Variants in SNTG1 observed in about 807,000 individuals in gnomAD.
SNTG1 encodes the protein syntrophin gamma 1, also known as gamma-1-syntrophin.
In SNTG1, 39 loss-of-function variants were observed where a neutral mutation model predicts 74.7. That is an observed-to-expected ratio of 0.52 (90% CI 0.40 to 0.68). SNTG1 has a LOEUF of 0.68. Among genes scored for constraint, SNTG1 ranks in the 30% least tolerant of loss-of-function variants. SNTG1 has a pLI of 0.00. For synonymous variants in SNTG1, 254 were observed against 217.1 expected, an observed-to-expected ratio of 1.17 and a Z score of -1.49; for missense variants, 685 against 609.5, an observed-to-expected ratio of 1.12 and a Z score of -1.30.
At chr8:50,676,490 G>T (rs2095310186) in intron 15 of SNTG1, among the ~76,000 whole-genome samples, 1 of 151,866 alleles carries the variant, frequency 6.6e-6, no homozygotes, top group Non-Finnish European at 1.5e-5. Flanking sequence ...TTGTGTGTAT[G>T]TTCTTCTCTA....
intron 2 of SNTG1, among the ~76,000 whole-genome samples, chr8:50,173,450 C>A (rs575764305): frequency 3.3e-5 from 5 of 152,232 alleles, no homozygotes; most frequent in Non-Finnish European, 7.4e-5. Context: ...TGTTGGGTTT[C>A]AATGAGTGCC....
At chr8:50,342,288 TGAAAACATGC>T (rs138277614) in intron 2 of SNTG1, among the ~76,000 whole-genome samples, 2,751 of 152,196 alleles carry the variant, frequency 0.018, 87 homozygotes, top group African/African-American at 0.062. Flanking sequence ...AGCACAGTTG[TGAAAACATGC>T]CCTCTTTAGC....
chr8:50,252,850 CA>C (rs1339545361), intron 2 of SNTG1, among the ~76,000 whole-genome samples: 10 of 151,998 alleles, frequency 6.6e-5, no homozygotes, highest in African/African-American at 2.4e-4. Context: ...TTGAAGGGGA[CA>C]AAACATTGAA....
intron 13 of SNTG1, among the ~76,000 whole-genome samples, chr8:50,593,993 C>A (rs1412927254): frequency 2.6e-5 from 4 of 152,184 alleles, no homozygotes; most frequent in African/African-American, 7.2e-5. Context: ...GCTGGGATTA[C>A]AGGCATGAGC....
intron 13 of SNTG1, among the ~76,000 whole-genome samples, chr8:50,646,773 T>A (rs1428058412): frequency 1.3e-5 from 2 of 152,144 alleles, no homozygotes; most frequent in African/African-American, 4.8e-5. Flanking sequence ...CATACTGAAG[T>A]AGAAGAGCAA....
chr8:50,751,849 T>G, intron 17 of SNTG1, 152 bp from the exon 18 acceptor site: 1 of 449,834 alleles, frequency 2.2e-6, no homozygotes, highest in South Asian at 4.9e-5. Context: ...AATGTTAACA[T>G]TTGATAAATA....
chr8:50,690,847 G>T (rs2095375036), intron 15 of SNTG1, among the ~76,000 whole-genome samples: 2 of 152,074 alleles, frequency 1.3e-5, no homozygotes, highest in Non-Finnish European at 2.9e-5. Flanking sequence ...TGACAGTGGG[G>T]TGTTAAAGTC....
At chr8:50,466,134 G>A (rs1206691603) in intron 8 of SNTG1, among the ~76,000 whole-genome samples, 29 of 151,972 alleles carry the variant, frequency 1.9e-4, no homozygotes, top group Admixed American at 1.8e-3. Context: ...TCAAGCTCAA[G>A]GTTATTTTAT....
intron 2 of SNTG1, chr8:50,381,871 G>T (rs2092494301): frequency 1.4e-5 from 2 of 141,734 alleles, no homozygotes; most frequent in African/African-American, 2.6e-5. Context: ...AGTTTATTAA[G>T]TATTAACTCA....
Position 50,683,171 on chromosome 8 carries a change from A to AT in SNTG1, c.1039-21423dup, listed in dbSNP as rs575406967. Among the ~76,000 whole-genome samples, 29 of 152,248 alleles carry AT rather than the reference A, an allele frequency of 1.9e-4. No individual in the cohort carries two copies. The South Asian group carries it at 5.4e-3, about 28-fold the overall frequency. On this transcript the variant is annotated intron_variant, in intron 15 of 18. Coordinates refer to ENST00000642720, the MANE Select transcript of SNTG1 (RefSeq NM_018967.5). Reference sequence around the variant, plus strand: ...CTGGCACACAGCAGGCTTGCAATCCATTTTTTGGTTGAATGCCTACTATGG... The same window carrying AT: ...CTGGCACACAGCAGGCTTGCAATCCATTTTTTTGGTTGAATGCCTACTATGG...
intron 8 of SNTG1, among the ~76,000 whole-genome samples, chr8:50,455,270 C>A (rs1221943501): frequency 6.6e-6 from 1 of 152,142 alleles, no homozygotes; most frequent in African/African-American, 2.4e-5. Flanking sequence ...GGATGCATAG[C>A]TGATTCCAGA....
At chr8:50,287,903 GT>G (rs201180915) in intron 2 of SNTG1, among the ~76,000 whole-genome samples, 2 of 146,728 alleles carry the variant, frequency 1.4e-5, no homozygotes, top group Non-Finnish European at 3.1e-5. Flanking sequence ...CCACCCCTCT[GT>G]GTCCATCCAG....
At chr8:50,592,016 G>A (rs1236692554) in intron 13 of SNTG1, among the ~76,000 whole-genome samples, 1 of 152,166 alleles carries the variant, frequency 6.6e-6, no homozygotes, top group African/African-American at 2.4e-5. Flanking sequence ...CACCTGGGAT[G>A]TTCCCTTTGT....
chr8:50,770,334 C>T (rs1358729813), intron 18 of SNTG1, among the ~76,000 whole-genome samples: 1 of 151,902 alleles, frequency 6.6e-6, no homozygotes, highest in Non-Finnish European at 1.5e-5. Flanking sequence ...TTGGAATAAC[C>T]ATACAGCATT....
chr8:49,971,850 T>C (rs1253446057), intron 1 of SNTG1, among the ~76,000 whole-genome samples: 3 of 152,038 alleles, frequency 2.0e-5, no homozygotes, highest in Admixed American at 6.6e-5. Context: ...AAACCACTGC[T>C]CAAGGAAATA....
At chr8:49,966,140 T>G (rs145522408) in intron 1 of SNTG1, among the ~76,000 whole-genome samples, 3 of 152,318 alleles carry the variant, frequency 2.0e-5, no homozygotes, top group African/African-American at 4.8e-5. Flanking sequence ...CTTGTCTCTA[T>G]TGGGAAAATC....
chr8:50,500,877 A>C (rs2093945713), intron 8 of SNTG1, among the ~76,000 whole-genome samples: 1 of 152,062 alleles, frequency 6.6e-6, no homozygotes, highest in African/African-American at 2.4e-5. Flanking sequence ...CCTGCTGTAG[A>C]GGAGGTAGGA....
chr8:50,003,895 A>T (rs1814974415), intron 1 of SNTG1, among the ~76,000 whole-genome samples: 1 of 152,120 alleles, frequency 6.6e-6, no homozygotes, highest in East Asian at 1.9e-4. Flanking sequence ...CTGGCCCAAA[A>T]CAATCTGGGG....
chr8:50,410,877 T>C (rs1447645698), intron 4 of SNTG1, among the ~76,000 whole-genome samples: 3 of 152,176 alleles, frequency 2.0e-5, no homozygotes, highest in Non-Finnish European at 2.9e-5. Flanking sequence ...GTCAACTGTG[T>C]ATATATATGC....
Sources: allele counts gnomAD v4.1 joint callset (sites outside exome capture counted in the v4.1 genomes callset), GRCh38; gene constraint gnomAD v4.1.1; transcripts MANE v1.5; gene names NCBI Gene and HGNC (gene_info 2026-07-23, HGNC 2026-07-21).